The following RORB variants were observed in gnomAD, a reference collection of about 807,000 sequenced individuals.
RORB encodes the protein RAR related orphan receptor B, also known as nuclear receptor ROR-beta.
Under a neutral mutation model 59.1 loss-of-function variants are expected in RORB, and 6 were observed. That is an observed-to-expected ratio of 0.10 (90% CI 0.06 to 0.20). The LOEUF (loss-of-function observed/expected upper bound fraction) is 0.20, where lower values mean the gene tolerates loss of function less well. RORB is among the 10% of genes least tolerant of loss of function. The pLI is 1.00. For synonymous variants in RORB, 215 were observed against 204.5 expected, an observed-to-expected ratio of 1.05 and a Z score of -0.44; for missense variants, 320 against 560.5, an observed-to-expected ratio of 0.57 and a Z score of 4.33.
intron 4 of RORB, among the ~76,000 whole-genome samples, chr9:74,646,230 A>G (rs1587403823): frequency 1.3e-5 from 2 of 152,136 alleles, no homozygotes; most frequent in Non-Finnish European, 2.9e-5. Context: ...CTAGGTCATT[A>G]TGCTTCTGAT....
intron 2 of RORB, among the ~76,000 whole-genome samples, chr9:74,633,578 C>A (rs184669096): frequency 6.6e-6 from 1 of 152,150 alleles, no homozygotes; most frequent in African/African-American, 2.4e-5. Flanking sequence ...TTAGGGAAAT[C>A]GATTACATGA....
chr9:74,587,625 A>T (rs1322476844), intron 1 of RORB, among the ~76,000 whole-genome samples: 1 of 152,082 alleles, frequency 6.6e-6, no homozygotes, highest in African/African-American at 2.4e-5. Context: ...GGATGGCCTT[A>T]CCCACATGTT....
Position 74,614,571 on chromosome 9 carries a change from T to C in RORB, c.8-15711T>C, listed in dbSNP as rs533534088. Among the ~76,000 whole-genome samples, 5 of 152,100 alleles carry C rather than the reference T, an allele frequency of 3.3e-5. No individual in the cohort carries two copies. In the East Asian group the frequency reaches 9.6e-4, roughly 29 times the overall value. On this transcript the variant is annotated intron_variant, in intron 1 of 9. Coordinates refer to ENST00000376896, the MANE Select transcript of RORB (RefSeq NM_006914.4). ...TGTCCTAGAACATCATGTTGTATAT[T>C]TTAAATATACATAATAAAATTTATT...
At chr9:74,612,760 C>T (rs931720012) in intron 1 of RORB, among the ~76,000 whole-genome samples, 1 of 152,054 alleles carries the variant, frequency 6.6e-6, no homozygotes, top group Admixed American at 6.5e-5. Context: ...TATTTAATAA[C>T]CTTGAAGTAG....
intron 1 of RORB, among the ~76,000 whole-genome samples, chr9:74,531,816 G>C (rs1238457737): frequency 1.3e-5 from 2 of 151,920 alleles, no homozygotes; most frequent in Non-Finnish European, 2.9e-5. Context: ...AACTTTACAT[G>C]AGACTTTTTT....
rs554598926 is a variant in RORB at position 74,682,630 on chromosome 9, A to G, written c.1225-2833A>G. 3.7e-4 allele frequency among the ~76,000 whole-genome samples: 57 copies of G among 152,222 alleles called. 1 individual carries two copies. The South Asian group carries it at 7.9e-3, about 21-fold the overall frequency. On this transcript the variant is annotated intron_variant, in intron 9 of 9. Transcript: ENST00000376896. The stretch of plus-strand genomic sequence containing the variant: ...AATTTCATTACTTGACCCCCACCAA[A>G]CTAATAGCTCTGAGCACATGGAACC...
intron 4 of RORB, among the ~76,000 whole-genome samples, chr9:74,658,464 A>C (rs1266229466): frequency 2.6e-5 from 4 of 152,162 alleles, no homozygotes; most frequent in Non-Finnish European, 4.4e-5. Context: ...AGAATCCTTA[A>C]GCTTTGGCCA....
chr9:74,567,356 C>T (rs1481514009), intron 1 of RORB, among the ~76,000 whole-genome samples: 1 of 152,120 alleles, frequency 6.6e-6, no homozygotes, highest in African/African-American at 2.4e-5. Flanking sequence ...AGGACCCTCT[C>T]TAGTCCCAGG....
intron 9 of RORB, among the ~76,000 whole-genome samples, chr9:74,683,454 C>G (rs1478033585): frequency 1.3e-5 from 2 of 151,990 alleles, no homozygotes; most frequent in East Asian, 3.9e-4. Context: ...TTCTTTTTTG[C>G]TTAAAACCCT....
chr9:74,647,834 T>G (rs548178889), intron 4 of RORB, among the ~76,000 whole-genome samples: 31 of 152,196 alleles, frequency 2.0e-4, no homozygotes, highest in Non-Finnish European at 3.8e-4. Flanking sequence ...TTTGCAGAAT[T>G]CTATTAAAAG....
At chr9:74,651,754 C>T (rs1057253837) in intron 4 of RORB, among the ~76,000 whole-genome samples, 7 of 152,144 alleles carry the variant, frequency 4.6e-5, no homozygotes, top group Non-Finnish European at 5.9e-5. Flanking sequence ...TACTATATAA[C>T]CCCCTTAAAA....
intron 1 of RORB, among the ~76,000 whole-genome samples, chr9:74,512,039 G>T (rs773830248): frequency 9.9e-5 from 15 of 152,014 alleles, no homozygotes; most frequent in Non-Finnish European, 1.9e-4. Context: ...CCATCATTGA[G>T]AAAAGAAGAA....
intron 4 of RORB, among the ~76,000 whole-genome samples, chr9:74,658,004 C>CAAAAAAAAAAAAA (rs60719147): frequency 1.4e-4 from 14 of 97,824 alleles, no homozygotes; most frequent in East Asian, 3.7e-4. Context: ...GACTCGGTCT[C>CAAAAAAAAAAAAA]AAAAAAAAAA....
chr9:74,537,244 GA>G (rs1377537104), intron 1 of RORB, among the ~76,000 whole-genome samples: 1 of 151,990 alleles, frequency 6.6e-6, no homozygotes, highest in East Asian at 1.9e-4. Context: ...TTTTGCTTGG[GA>G]ACTTGAAGAA....
intron 1 of RORB, among the ~76,000 whole-genome samples, chr9:74,607,303 G>T (rs188832405): frequency 6.6e-6 from 1 of 152,134 alleles, no homozygotes; most frequent in African/African-American, 2.4e-5. Context: ...TCCACTCAGG[G>T]AAATGACTTC....
At chr9:74,622,061 A>G (rs886130905) in intron 1 of RORB, among the ~76,000 whole-genome samples, 1 of 152,036 alleles carries the variant, frequency 6.6e-6, no homozygotes, top group African/African-American at 2.4e-5. Flanking sequence ...ATTTTCTGAA[A>G]CGATATATTT....
chr9:74,504,210 T>C (rs960581943), intron 1 of RORB, among the ~76,000 whole-genome samples: 1 of 152,074 alleles, frequency 6.6e-6, no homozygotes, highest in African/African-American at 2.4e-5. Context: ...CTACCCACCA[T>C]TGTTGTACAC....
rs1019507998 is a variant in RORB at position 74,686,874 on chromosome 9, ACTAGAAAAAAAAAGATCTGTGTTATT to A, written c.*1261_*1286del. Reference sequence around the variant, plus strand: ...TAAAAATGTAGCAAAAACTTGACAGACTAGAAAAAAAAAGATCTGTGTTATTCTAGGGAACTAATGTACCCCAAAGC... The same window carrying A: ...TAAAAATGTAGCAAAAACTTGACAGACTAGGGAACTAATGTACCCCAAAGC... On this transcript the variant is annotated 3_prime_UTR_variant, in exon 10 of 10. Coordinates refer to ENST00000376896, the MANE Select transcript of RORB (RefSeq NM_006914.4). 3.9e-5 allele frequency: 6 copies of A among 152,480 alleles called. No homozygotes were observed. Among genetic ancestry groups the A allele is most frequent in the African/African-American group, 1.2e-4 (5 of 41,446 alleles). 9.4% of individuals were successfully genotyped at this position (152,480 alleles called of 1,614,324 possible).
intron 1 of RORB, among the ~76,000 whole-genome samples, chr9:74,501,019 G>C (rs1262905580): frequency 6.6e-6 from 1 of 152,170 alleles, no homozygotes; most frequent in Non-Finnish European, 1.5e-5. Flanking sequence ...CCATCACTAG[G>C]TGAGAAAGAA....
Sources: gnomAD v4.1 joint callset for allele counts (sites outside exome capture counted in the v4.1 genomes callset) on GRCh38, gnomAD v4.1.1 for gene constraint, MANE v1.5 for transcripts, NCBI Gene and HGNC (gene_info 2026-07-23, HGNC 2026-07-21) for gene names.